GPC5: variants seen among roughly 807,000 people sequenced by gnomAD.
The protein encoded by GPC5 is glypican 5.
GPC5 carries 47 observed loss-of-function variants against 53.9 expected under a neutral mutation model. That is an observed-to-expected ratio of 0.87 (90% confidence interval 0.69 to 1.11). The LOEUF (loss-of-function observed/expected upper bound fraction) is 1.11, where lower values mean the gene tolerates loss of function less well. Among genes scored for constraint, GPC5 ranks in the 50% most tolerant of loss-of-function variants. The pLI is 0.00. For missense variants in GPC5, 748 were observed against 713.1 expected (o/e 1.05, Z -0.56); for synonymous variants, 286 against 263.3 (o/e 1.09, Z -0.84).
intron 6 of GPC5, among the ~76,000 whole-genome samples, chr13:91,998,806 G>A (rs1036033766): frequency 1.2e-4 from 18 of 152,156 alleles, no homozygotes; most frequent in African/African-American, 4.3e-4. Flanking sequence ...TATGTAATGA[G>A]GGCTTATTAT....
intron 7 of GPC5, among the ~76,000 whole-genome samples, chr13:92,749,634 G>C (rs1889329865): frequency 6.6e-6 from 1 of 151,990 alleles, no homozygotes; most frequent in Non-Finnish European, 1.5e-5. Context: ...ATAATAATAT[G>C]CTTCTGTTGC....
At chr13:92,561,688 G>A (rs1882699763) in intron 7 of GPC5, among the ~76,000 whole-genome samples, 1 of 151,956 alleles carries the variant, frequency 6.6e-6, no homozygotes, top group Non-Finnish European at 1.5e-5. Context: ...CTCTACAACT[G>A]ATTTAGTAAA....
chr13:92,082,754 A>G (rs939806278), intron 6 of GPC5, among the ~76,000 whole-genome samples: 3 of 152,174 alleles, frequency 2.0e-5, no homozygotes, highest in African/African-American at 7.2e-5. Flanking sequence ...GAAGTGAAAT[A>G]TCTGCCAAAT....
chr13:92,310,159 T>C (rs2139208777), intron 7 of GPC5, among the ~76,000 whole-genome samples: 1 of 152,236 alleles, frequency 6.6e-6, no homozygotes, highest in South Asian at 2.1e-4. Flanking sequence ...ATATCACATT[T>C]TCTTTATTCA....
chr13:92,250,064 T>C (rs1469067882), intron 7 of GPC5, among the ~76,000 whole-genome samples: 1 of 152,170 alleles, frequency 6.6e-6, no homozygotes, highest in Non-Finnish European at 1.5e-5. Context: ...GGATACATTC[T>C]ATTTTTGTTT....
At chr13:91,895,747 T>C (rs2138976803) in intron 5 of GPC5, among the ~76,000 whole-genome samples, 1 of 152,064 alleles carries the variant, frequency 6.6e-6, no homozygotes, top group East Asian at 1.9e-4. Flanking sequence ...TTGGGGGTGG[T>C]ATTAGTTTTC....
At chr13:91,858,550 T>C (rs983217114) in intron 5 of GPC5, among the ~76,000 whole-genome samples, 1 of 152,046 alleles carries the variant, frequency 6.6e-6, no homozygotes, top group South Asian at 2.1e-4. Context: ...TCTAATGTGT[T>C]GTTGAATGCA....
intron 5 of GPC5, among the ~76,000 whole-genome samples, chr13:91,886,071 T>A (rs1274406509): frequency 6.6e-6 from 1 of 152,128 alleles, no homozygotes; most frequent in East Asian, 1.9e-4. Flanking sequence ...CATACTGCTA[T>A]AAAGAAATAC....
Position 92,122,550 on chromosome 13 carries a change from T to G in GPC5, c.1402-22280T>G, listed in dbSNP as rs1195284168. Among the ~76,000 whole-genome samples, 8 of 151,980 alleles carry G rather than the reference T, an allele frequency of 5.3e-5. No individual in the cohort carries two copies. The South Asian group carries it at 1.5e-3, about 28-fold the overall frequency. On this transcript the variant is annotated intron_variant, in intron 6 of 7. Coordinates refer to ENST00000377067, the MANE Select transcript of GPC5 (RefSeq NM_004466.6). ...CATCATATATGCTTTTTCTCAGTGT[T>G]TCTCCAGCTTCTCAAAACTTCCCTG...
intron 7 of GPC5, among the ~76,000 whole-genome samples, chr13:92,264,878 CTGTGTGTGTGTGTGTGTG>C (rs71815584): frequency 9.9e-4 from 104 of 104,760 alleles, no homozygotes; most frequent in Middle Eastern, 6.9e-3. Flanking sequence ...CTCTCTCTCT[CTGTGTGTGTGTGTGTGTG>C]TGTGTGTGTG....
intron 5 of GPC5, among the ~76,000 whole-genome samples, chr13:91,889,102 T>A (rs147368886): frequency 1.3e-5 from 2 of 152,264 alleles, no homozygotes; most frequent in African/African-American, 4.8e-5. Context: ...ACCTGATACA[T>A]CTATTTGTTT....
chr13:92,410,648 GA>G (rs1876001067), intron 7 of GPC5, among the ~76,000 whole-genome samples: 1 of 152,178 alleles, frequency 6.6e-6, no homozygotes, highest in Non-Finnish European at 1.5e-5. Context: ...GAACTGTTGT[GA>G]TGCAAAAGGA....
chr13:91,712,968 A>G (rs143379951), intron 3 of GPC5, among the ~76,000 whole-genome samples: 1 of 152,158 alleles, frequency 6.6e-6, no homozygotes, highest in East Asian at 1.9e-4. Context: ...AGGTGGGGAG[A>G]TTACCTGAGG....
intron 7 of GPC5, among the ~76,000 whole-genome samples, chr13:92,458,361 C>G (rs942441031): frequency 6.6e-6 from 1 of 151,886 alleles, no homozygotes; most frequent in South Asian, 2.1e-4. Flanking sequence ...TGCAGTGGCG[C>G]GATCTTGACT....
chr13:92,100,117 A>G (rs1249864547), intron 6 of GPC5, among the ~76,000 whole-genome samples: 2 of 152,170 alleles, frequency 1.3e-5, no homozygotes, highest in Admixed American at 6.6e-5. Context: ...TAAAAAAATA[A>G]AAAGTATCCA....
intron 2 of GPC5, among the ~76,000 whole-genome samples, chr13:91,579,462 A>T (rs1335972727): frequency 6.6e-6 from 1 of 152,052 alleles, no homozygotes; most frequent in Non-Finnish European, 1.5e-5. Flanking sequence ...TACGGCATGG[A>T]ATCACACTGG....
chr13:91,419,252 T>G (rs1878441022), intron 1 of GPC5, among the ~76,000 whole-genome samples: 2 of 152,118 alleles, frequency 1.3e-5, no homozygotes, highest in African/African-American at 2.4e-5. Context: ...TTTAAATGAA[T>G]GTACAGAGAT....
chr13:92,166,474 G>T (rs1449377017), intron 7 of GPC5, among the ~76,000 whole-genome samples: 1 of 152,076 alleles, frequency 6.6e-6, no homozygotes, highest in African/African-American at 2.4e-5. Flanking sequence ...GGGTATAATT[G>T]ATATTGCTGA....
intron 2 of GPC5, among the ~76,000 whole-genome samples, chr13:91,613,277 G>A (rs565309775): frequency 6.6e-6 from 1 of 152,278 alleles, no homozygotes; most frequent in African/African-American, 2.4e-5. Flanking sequence ...AATCATGGTG[G>A]AAGGTGAAAG....
Sources: allele counts gnomAD v4.1 joint callset (sites outside exome capture counted in the v4.1 genomes callset), GRCh38; gene constraint gnomAD v4.1.1; transcripts MANE v1.5; gene names NCBI Gene and HGNC (gene_info 2026-07-23, HGNC 2026-07-21).